GNAQ: variants seen among roughly 807,000 people sequenced by gnomAD.
The protein encoded by GNAQ is G protein subunit alpha q.
GNAQ carries 8 observed loss-of-function variants against 43.9 expected under a neutral mutation model. The observed-to-expected ratio is 0.18, with a 90% confidence interval of 0.11 to 0.33. The LOEUF (loss-of-function observed/expected upper bound fraction) is 0.33, where lower values mean the gene tolerates loss of function less well. Among genes scored for constraint, GNAQ ranks in the 10% least tolerant of loss-of-function variants. The pLI is 1.00. For missense variants in GNAQ, 158 were observed against 450.8 expected, an observed-to-expected ratio of 0.35 and a Z score of 5.88; for synonymous variants, 155 against 170.7, an observed-to-expected ratio of 0.91 and a Z score of 0.71.
chr9:77,783,133 A>G (rs1473060274), intron 5 of GNAQ, among the ~76,000 whole-genome samples: 1 of 152,172 alleles, frequency 6.6e-6, no homozygotes, highest in Non-Finnish European at 1.5e-5. Context: ...TCCAAATGTA[A>G]ACTGGGTGAT....
At chr9:77,867,012 G>A (rs1020874184) in intron 2 of GNAQ, among the ~76,000 whole-genome samples, 1 of 152,180 alleles carries the variant, frequency 6.6e-6, no homozygotes, top group Non-Finnish European at 1.5e-5. Context: ...CAGTTGAAAA[G>A]AGAGCTCCTT....
At chr9:77,833,688 C>A (rs992179693) in intron 2 of GNAQ, among the ~76,000 whole-genome samples, 1 of 152,148 alleles carries the variant, frequency 6.6e-6, no homozygotes, top group Non-Finnish European at 1.5e-5. Flanking sequence ...ATAAGAGTGG[C>A]CTTGGAGAGC....
intron 1 of GNAQ, among the ~76,000 whole-genome samples, chr9:77,930,726 T>C (rs891507784): frequency 3.3e-5 from 5 of 152,170 alleles, no homozygotes; most frequent in African/African-American, 7.2e-5. Context: ...TCAGGAGTGT[T>C]TGGCCTCAAT....
chr9:77,780,456 T>A (rs1826376753), intron 5 of GNAQ, among the ~76,000 whole-genome samples: 2 of 138,718 alleles, frequency 1.4e-5, no homozygotes, highest in African/African-American at 2.7e-5. Context: ...TTTTTTTTTT[T>A]ATGGCTGGAC....
intron 5 of GNAQ, among the ~76,000 whole-genome samples, chr9:77,742,369 A>G (rs1380447757): frequency 1.3e-5 from 2 of 152,196 alleles, no homozygotes; most frequent in Non-Finnish European, 2.9e-5. Context: ...TTTTTTGACA[A>G]AAAGTATTAA....
chr9:77,830,235 G>A (rs998699850), intron 2 of GNAQ, among the ~76,000 whole-genome samples: 11 of 152,164 alleles, frequency 7.2e-5, no homozygotes, highest in African/African-American at 2.7e-4. Context: ...TTACAGGTGT[G>A]AGCCACTGTG....
chr9:77,753,011 C>T (rs1457759794), intron 5 of GNAQ, among the ~76,000 whole-genome samples: 13 of 139,376 alleles, frequency 9.3e-5, no homozygotes, highest in East Asian at 4.3e-4. Context: ...GGCGTGAACC[C>T]GGGAGGCGGA....
At chr9:77,941,272 C>G (rs1829311647) in intron 1 of GNAQ, among the ~76,000 whole-genome samples, 2 of 150,276 alleles carry the variant, frequency 1.3e-5, no homozygotes, top group South Asian at 4.2e-4. Flanking sequence ...TTTTTTGAGA[C>G]AGAGTCTCGC....
At chr9:77,777,367 A>C (rs1419689563) in intron 5 of GNAQ, among the ~76,000 whole-genome samples, 1 of 152,072 alleles carries the variant, frequency 6.6e-6, no homozygotes, top group East Asian at 1.9e-4. Context: ...ATATACTAAA[A>C]TGTAAGAGCT....
intron 1 of GNAQ, among the ~76,000 whole-genome samples, chr9:77,931,608 G>A (rs1488369907): frequency 3.3e-5 from 5 of 151,038 alleles, no homozygotes; most frequent in African/African-American, 9.7e-5. Flanking sequence ...AAAAAAAAAA[G>A]AACTCTCAAG....
chr9:77,768,390 A>G (rs1224529856), intron 5 of GNAQ, among the ~76,000 whole-genome samples: 1 of 152,168 alleles, frequency 6.6e-6, no homozygotes, highest in African/African-American at 2.4e-5. Context: ...AATGCTCAAT[A>G]AATATTTAGC....
chr9:77,763,141 C>CAACA (rs1554714122), intron 5 of GNAQ, among the ~76,000 whole-genome samples: 12 of 64,894 alleles, frequency 1.8e-4, no homozygotes, highest in African/African-American at 4.2e-4. Flanking sequence ...AACAAACAAA[C>CAACA]AAAAAAAAAA....
intron 2 of GNAQ, among the ~76,000 whole-genome samples, chr9:77,895,640 G>A (rs566673633): frequency 2.6e-5 from 4 of 152,210 alleles, no homozygotes; most frequent in South Asian, 2.1e-4. Flanking sequence ...GACAAGAAAC[G>A]GACTGGAAAA....
chr9:77,765,579 A>G lies in GNAQ; in HGVS notation c.735+28884T>C, dbSNP rs139573697. Among the ~76,000 whole-genome samples the G allele has an allele frequency of 3.0e-4, 46 of 152,374 alleles. No homozygotes were observed. In the East Asian group the frequency reaches 6.6e-3, roughly 22 times the overall value. On this transcript the variant is annotated intron_variant, in intron 5 of 6. Coordinates refer to ENST00000286548, the MANE Select transcript of GNAQ (RefSeq NM_002072.5). ...ACGATGAGATACCACATTCATTAGA[A>G]TAACTATTTTTAAAAGAAAAACAGG...
chr9:77,840,216 G>A (rs982611009), intron 2 of GNAQ, among the ~76,000 whole-genome samples: 4 of 152,022 alleles, frequency 2.6e-5, no homozygotes, highest in Non-Finnish European at 4.4e-5. Flanking sequence ...TGAAATAATT[G>A]GTATACTTCT....
intron 3 of GNAQ, among the ~76,000 whole-genome samples, chr9:77,811,687 G>A (rs1392927127): frequency 1.3e-5 from 2 of 152,196 alleles, no homozygotes; most frequent in Non-Finnish European, 2.9e-5. Flanking sequence ...CCTGGCTAAG[G>A]AAAATGTAAA....
At chr9:77,901,601 C>T (rs1828618075) in intron 2 of GNAQ, among the ~76,000 whole-genome samples, 1 of 152,176 alleles carries the variant, frequency 6.6e-6, no homozygotes, top group Non-Finnish European at 1.5e-5. Context: ...TGTGCCCTCA[C>T]AAAATGGCAC....
chr9:77,867,538 C>A (rs1363921162), intron 2 of GNAQ, among the ~76,000 whole-genome samples: 1 of 152,110 alleles, frequency 6.6e-6, no homozygotes, highest in Admixed American at 6.6e-5. Context: ...GCAGTCAAAT[C>A]ATAATTTATT....
intron 1 of GNAQ, among the ~76,000 whole-genome samples, chr9:77,933,839 GAC>G (rs1339631859): frequency 6.6e-6 from 1 of 152,068 alleles, no homozygotes; most frequent in East Asian, 1.9e-4. Context: ...TAAAAAACGT[GAC>G]ACACGCAATC....
Sources: gnomAD v4.1 joint callset for allele counts (sites outside exome capture counted in the v4.1 genomes callset) on GRCh38, gnomAD v4.1.1 for gene constraint, MANE v1.5 for transcripts, NCBI Gene and HGNC (gene_info 2026-07-23, HGNC 2026-07-21) for gene names.